SGSM1: variants seen among roughly 807,000 people sequenced by gnomAD.
SGSM1 encodes small G protein signaling modulator 1, also known as RUN and TBC1 domain containing 2.
A neutral mutation model predicts 133.8 loss-of-function variants in SGSM1; 73 were observed. The ratio of observed to expected loss-of-function variants is 0.55; its 90% confidence interval spans 0.45 to 0.66. The LOEUF is 0.66. Ranked by LOEUF, SGSM1 falls within the 30% of genes least tolerant of loss-of-function variation. The pLI, the probability that SGSM1 is intolerant of heterozygous loss-of-function variation, is 0.00. For synonymous variants in SGSM1, 563 were observed against 573.0 expected (o/e 0.98, Z 0.25); for missense variants, 1,213 against 1,448.1 (o/e 0.84, Z 2.64).
chr22:24,851,314 C>T (rs1930453498), intron 5 of SGSM1, among the ~76,000 whole-genome samples: 1 of 151,258 alleles, frequency 6.6e-6, no homozygotes, highest in Non-Finnish European at 1.5e-5. Flanking sequence ...GTGGTGATAC[C>T]TTTCATGTCA....
chr22:24,895,101 G>A (rs141667633), intron 17 of SGSM1, 122 bp from the exon 18 acceptor site: 3 of 915,326 alleles, frequency 3.3e-6, no homozygotes, highest in African/African-American at 1.6e-5. Flanking sequence ...TCTGAGAGAG[G>A]ACTTGTGCAA....
intron 2 of SGSM1, among the ~76,000 whole-genome samples, chr22:24,829,722 A>G (rs1929000414): frequency 1.3e-5 from 2 of 152,192 alleles, no homozygotes; most frequent in Non-Finnish European, 2.9e-5. Context: ...TTCCCCATCT[A>G]TAAAATGGAA....
In SGSM1 at chr22:24,850,282, G is replaced by T. The variant is rs1165480807; in HGVS notation, c.305G>T (p.Arg102Ile). The T allele has an allele frequency of 6.3e-7, 1 of 1,589,452 alleles. No homozygotes were observed. The highest frequency in any genetic ancestry group is 1.8e-5 in the Admixed American group (1 of 54,620). ...QDLEQLIESA[R>I]NQIQGLQENV... ...CCCGTCTTTTATTGGTCTTGAAGGA[G>T]AAACCAGATTCAAGGCCTCCAGGAG... Residue 102 changes from arginine (R) to isoleucine (I), a missense_variant and splice_region_variant, in exon 5 of 25, where the codon AGA becomes ATA. Arg to Ile is a moderately conservative substitution (Grantham distance 97). Transcript: ENST00000400358.
rs377661466 is a variant in SGSM1, at chr22:24,813,035, G to A, written c.63+6551G>A. 1.6e-4 allele frequency among the ~76,000 whole-genome samples: 25 copies of A among 152,304 alleles called. No individual in the cohort carries two copies. In the East Asian group the frequency reaches 2.1e-3, roughly 13 times the overall value. On this transcript the variant is annotated intron_variant, in intron 2 of 24. Transcript: ENST00000400358. ...AAGAGATGGGAAAGGCTTGCCAGAG[G>A]AGGTGGTCAGGGATGGCCTCACTGA...
intron 14 of SGSM1, among the ~76,000 whole-genome samples, chr22:24,883,144 T>A (rs914840315): frequency 2.0e-5 from 3 of 151,908 alleles, no homozygotes; most frequent in African/African-American, 7.3e-5. Flanking sequence ...GACCTCGTGA[T>A]CCGCCCGCCT....
At chr22:24,909,025 C>T (rs1933519648) in intron 21 of SGSM1, among the ~76,000 whole-genome samples, 1 of 152,148 alleles carries the variant, frequency 6.6e-6, no homozygotes, top group South Asian at 2.1e-4. Context: ...AGCCTGAGCT[C>T]CACCTCCCTC....
chr22:24,889,995 C>T (rs9624646), intron 16 of SGSM1, among the ~76,000 whole-genome samples: 38,811 of 142,060 alleles, frequency 0.27, 5,638 homozygotes, highest in African/African-American at 0.41. Flanking sequence ...CTTGCTCTGT[C>T]GCCCAGGCTG....
chr22:24,846,006 TTTC>T (rs1297668520), intron 3 of SGSM1, among the ~76,000 whole-genome samples: 3 of 142,576 alleles, frequency 2.1e-5, no homozygotes, highest in Non-Finnish European at 4.6e-5. Flanking sequence ...TCTTTCTTTC[TTTC>T]TTCATTTCTT....
rs1199473963 is a variant in SGSM1, at chr22:24,926,848, CT to C, written c.*2575del. 127 of 117,110 alleles carry C rather than the reference CT, an allele frequency of 1.1e-3. No individual in the cohort carries two copies. Among genetic ancestry groups the C allele is most frequent in the African/African-American group, 3.6e-3 (122 of 33,920 alleles). The allele number at this position is 117,110 out of a possible 1,614,324, so 7.3% of individuals were successfully genotyped here. A position where few individuals can be genotyped will look rare whatever the true frequency, so the allele number is the denominator to read the frequency against. ...TATATAAACAGAGAAATATGTGAAT[CT>C]GTTTTTTTTTGTCTTTTTTTTTTTA... On this transcript the variant is annotated 3_prime_UTR_variant, in exon 25 of 25. Coordinates refer to ENST00000400358, the MANE Select transcript of SGSM1 (RefSeq NM_001098497.3).
rs1231891623 is a variant in SGSM1 at position 24,926,926 on chromosome 22, C to T, written c.*2652C>T. The T allele has an allele frequency of 2.6e-5, 4 of 151,828 alleles. No homozygotes were observed. In the South Asian group the frequency reaches 8.3e-4, roughly 32 times the overall value. The allele number at this position is 151,828 out of a possible 1,614,324, so 9.4% of individuals were successfully genotyped here. On this transcript the variant is annotated 3_prime_UTR_variant, in exon 25 of 25. Transcript: ENST00000400358. Reference sequence around the variant, plus strand: ...TGAGGACTGTGTCCTCCCACTCACACCCCAGTGACCCTATATGGGGTCAGA... The same window carrying T: ...TGAGGACTGTGTCCTCCCACTCACATCCCAGTGACCCTATATGGGGTCAGA...
intron 2 of SGSM1, among the ~76,000 whole-genome samples, chr22:24,809,970 A>G (rs1022899169): frequency 3.3e-5 from 5 of 152,050 alleles, no homozygotes; most frequent in African/African-American, 1.2e-4. Context: ...ACTAAGAAAA[A>G]CCATTCCTGG....
chr22:24,902,311 C>T (rs1933195949), intron 20 of SGSM1, among the ~76,000 whole-genome samples: 1 of 152,174 alleles, frequency 6.6e-6, no homozygotes, highest in East Asian at 1.9e-4. Context: ...ATGTCTCTGG[C>T]TGTAGAATCT....
chr22:24,916,944 T>C (rs775878411), intron 22 of SGSM1, among the ~76,000 whole-genome samples: 3 of 152,082 alleles, frequency 2.0e-5, no homozygotes, highest in Non-Finnish European at 4.4e-5. Flanking sequence ...AGTGGTGTAA[T>C]CATAGTTCAT....
At chr22:24,907,872 A>G (rs1933453826) in intron 21 of SGSM1, among the ~76,000 whole-genome samples, 1 of 133,496 alleles carries the variant, frequency 7.5e-6, no homozygotes, top group South Asian at 2.6e-4. Context: ...AGATCGCGCC[A>G]CTGCACTCCA....
chr22:24,837,587 C>CA (rs746893469), intron 2 of SGSM1, among the ~76,000 whole-genome samples: 1 of 47,302 alleles, frequency 2.1e-5, no homozygotes, highest in Non-Finnish European at 5.0e-5. Context: ...GACCCCCCCC[C>CA]CCCCTTTCCC....
chr22:24,855,017 T>C lies in SGSM1; in HGVS notation c.477T>C (p.Ala159=). The change falls in exon 6 of 25, where the codon GCT becomes GCC. Residue 159 remains alanine (A), a synonymous_variant. Transcript: ENST00000400358. Reference sequence around the variant, plus strand: ...CTAGTAAATACTATGAGAAGGAAGCTCTCCTGATGGACCCTGTGGACGGCC... The same window carrying C: ...CTAGTAAATACTATGAGAAGGAAGCCCTCCTGATGGACCCTGTGGACGGCC... ...ENSSKYYEKE[A]LLMDPVDGPI... 1 of 1,613,538 alleles carries C rather than the reference T, an allele frequency of 6.2e-7. No individual in the cohort carries two copies. The highest frequency in any genetic ancestry group is 8.5e-7 in the Non-Finnish European group (1 of 1,179,804).
chr22:24,817,618 TG>T (rs1928178309), intron 2 of SGSM1, among the ~76,000 whole-genome samples: 1 of 152,176 alleles, frequency 6.6e-6, no homozygotes, highest in African/African-American at 2.4e-5. Context: ...CCCCAAGTGC[TG>T]GGATTACAGG....
chr22:24,817,850 C>T (rs965192301), intron 2 of SGSM1, among the ~76,000 whole-genome samples: 1 of 152,214 alleles, frequency 6.6e-6, no homozygotes, highest in Non-Finnish European at 1.5e-5. Flanking sequence ...TGGTGAGGGC[C>T]TTCTTCCTTT....
chr22:24,918,353 G>A (rs1024180303), intron 23 of SGSM1, among the ~76,000 whole-genome samples: 3 of 151,844 alleles, frequency 2.0e-5, no homozygotes, highest in Admixed American at 6.6e-5. Flanking sequence ...AAAATTGGCC[G>A]GGCATGGTGG....
Sources: allele counts gnomAD v4.1 joint callset (sites outside exome capture counted in the v4.1 genomes callset), GRCh38; gene constraint gnomAD v4.1.1; transcripts MANE v1.5; gene names NCBI Gene and HGNC (gene_info 2026-07-23, HGNC 2026-07-21).